Variants in HRC observed in about 807,000 individuals in gnomAD.
The protein encoded by HRC is sarcoplasmic reticulum histidine-rich calcium-binding protein.
In HRC, 41 loss-of-function variants were observed where a neutral mutation model predicts 61.4. That is an observed-to-expected ratio of 0.67 (90% CI 0.52 to 0.87). HRC has a LOEUF of 0.87. HRC is among the 40% of genes least tolerant of loss of function. The pLI, the probability that HRC is intolerant of heterozygous loss-of-function variation, is 0.00. For synonymous variants in HRC, 308 were observed against 326.6 expected (o/e 0.94, Z 0.62); for missense variants, 839 against 885.8 (o/e 0.95, Z 0.67).
rs76146490 is a variant in HRC at position 49,153,335 on chromosome 19, C to T, written c.1832-4G>A. 5,748 of 1,613,148 alleles carry T rather than the reference C, an allele frequency of 3.6e-3. 156 individuals are homozygous for T. The African/African-American group carries it at 0.067, about 19-fold the overall frequency. On this transcript the variant is annotated splice_region_variant and splice_polypyrimidine_tract_variant and intron_variant, in intron 1 of 5. Coordinates refer to ENST00000252825, the MANE Select transcript of HRC (RefSeq NM_002152.3). The surrounding 1 kb of genome is among the most constrained non-coding windows in gnomAD (Gnocchi z 4.8). ...TACTCCTGAGCATCCTGTGGACCTG[C>T]GGGGACAGGAGGGCAGCAGTGACCC...
At position 49,154,791 on chromosome 19, in the gene HRC, C is replaced by T. The variant is rs368314141; in HGVS notation, c.447G>A (p.Arg149=). 41 of 1,613,740 alleles carry T rather than the reference C, an allele frequency of 2.5e-5. No homozygotes were observed. Among genetic ancestry groups the T allele is most frequent in the African/African-American group, 1.1e-4 (8 of 74,856 alleles). The change falls in exon 1 of 6, where the codon AGG becomes AGA. Residue 149 remains arginine, a synonymous_variant. Coordinates refer to ENST00000252825, the MANE Select transcript of HRC (RefSeq NM_002152.3). The part of the protein sequence containing the change: ...SEDTEDSAEH[R]HHLPSHRSHS... ...GGCTCCTGTGGCTGGGGAGGTGGTGCCTGTGCTCAGCTGAGTCTTCCGTGT... is the reference window on the plus strand; with the variant it reads ...GGCTCCTGTGGCTGGGGAGGTGGTGTCTGTGCTCAGCTGAGTCTTCCGTGT...
intron 5 of HRC, 42 bp from the exon 6 acceptor site, chr19:49,151,374 A>G: frequency 6.4e-7 from 1 of 1,556,444 alleles, no homozygotes; most frequent in South Asian, 1.2e-5. Flanking sequence ...TGGTGTTCAA[A>G]GCCCACCCCA....
At position 49,154,947 on chromosome 19, in the gene HRC, C is replaced by G. The variant is rs74666147; in HGVS notation, c.291G>C (p.Lys97Asn). The G allele has an allele frequency of 2.5e-6, 4 of 1,614,180 alleles. No homozygotes were observed. In the Admixed American group the frequency reaches 6.7e-5, roughly 27 times the overall value. Reference sequence around the variant, plus strand: ...GGCCTGGGAGTAGGTGCCCATATTCCTTGGAGACATCTTCATCCTCCTTTT... The same window carrying G: ...GGCCTGGGAGTAGGTGCCCATATTCGTTGGAGACATCTTCATCCTCCTTTT... ...DREKEDEDVS[K>N]EYGHLLPGHR... The change falls in exon 1 of 6, where the codon AAG becomes AAC. Residue 97 changes from lysine (K) to asparagine (N), a missense_variant. Lys to Asn is a moderately conservative substitution (Grantham distance 94). Coordinates refer to ENST00000252825, the MANE Select transcript of HRC (RefSeq NM_002152.3).
Position 49,152,366 on chromosome 19 carries a change from A to G in HRC, c.1915T>C (p.Cys639Arg). Residue 639 changes from cysteine to arginine, a missense_variant, in exon 3 of 6, where the codon TGT (cysteine) becomes CGT (arginine). Cys to Arg is a radical substitution (Grantham distance 180). Transcript: ENST00000252825. ...YCSFCNRCTE[C>R]ESCHCDEENM... ...TCCTCATCACAGTGACAGCTCTCAC[A>G]TTCAGTGCATCGCTGGGGACCGGGG... 1 of 1,613,636 alleles carries G rather than the reference A, an allele frequency of 6.2e-7. No homozygotes were observed. The highest frequency in any genetic ancestry group is 8.5e-7 in the Non-Finnish European group (1 of 1,179,892).
chr19:49,153,373 T>C lies in HRC; in HGVS notation c.1831+34A>G. The C allele has an allele frequency of 6.2e-7, 1 of 1,612,230 alleles. No homozygotes were observed. Among genetic ancestry groups the C allele is most frequent in the Non-Finnish European group, 8.5e-7 (1 of 1,178,336 alleles). ...GCAGCAGTGACCCAGGCTGACTCGGTTCCTTCCCACCCACACCAGCCCAGG... is the reference window on the plus strand; with the variant it reads ...GCAGCAGTGACCCAGGCTGACTCGGCTCCTTCCCACCCACACCAGCCCAGG... On this transcript the variant is annotated intron_variant, in intron 1 of 5. Transcript: ENST00000252825. The surrounding 1 kb of genome is among the most constrained non-coding windows in gnomAD (Gnocchi z 4.8).
At chr19:49,152,471 C>T in intron 2 of HRC, 93 bp from the exon 3 acceptor site, 3 of 953,096 alleles carry the variant, frequency 3.1e-6, no homozygotes, top group Non-Finnish European at 4.8e-6. Flanking sequence ...GACGCTTCCC[C>T]AGACTCTACC....
Position 49,153,615 on chromosome 19 carries a change from C to T in HRC, c.1623G>A (p.Glu541=). ...CCTCGTCTTCTTCCTCCTCCTCCTC[C>T]TCCTTGTCTTCCTCTTCTTCCTCCT... ...NQEEEEEEDK[E]EEEEEEDEER... is the part of the protein sequence containing the mutation. The change falls in exon 1 of 6, where the codon GAG becomes GAA. Residue 541 remains glutamate, a synonymous_variant. Coordinates refer to ENST00000252825, the MANE Select transcript of HRC (RefSeq NM_002152.3). This position sits in a 1 kb window ranked among gnomAD's most constrained non-coding sequence, Gnocchi z 4.8. 6.4e-7 allele frequency: 1 copy of T among 1,550,850 alleles called. No individual in the cohort carries two copies. Among genetic ancestry groups the T allele is most frequent in the Non-Finnish European group, 8.9e-7 (1 of 1,127,084 alleles).
rs764056901 is a variant in HRC at position 49,151,381 on chromosome 19, C to T, written c.2064-49G>A. 5 of 1,560,078 alleles carry T rather than the reference C, an allele frequency of 3.2e-6. No individual in the cohort carries two copies. The East Asian group carries it at 1.2e-4, about 36-fold the overall frequency. Reference sequence around the variant, plus strand: ...TAGACAGCTGGTGTTCAAAGCCCACCCCAGGACGCTTAGAGATCATTAACC... The same window carrying T: ...TAGACAGCTGGTGTTCAAAGCCCACTCCAGGACGCTTAGAGATCATTAACC... On this transcript the variant is annotated intron_variant, in intron 5 of 5. Coordinates refer to ENST00000252825, the MANE Select transcript of HRC (RefSeq NM_002152.3).
intron 2 of HRC, among the ~76,000 whole-genome samples, chr19:49,152,635 C>A (rs992217754): frequency 6.6e-6 from 1 of 151,340 alleles, no homozygotes; most frequent in African/African-American, 2.4e-5. Context: ...AGTGGCGCAA[C>A]CTCAGCTCAC....
At position 49,151,232 on chromosome 19, in the gene HRC, T is replaced by C; in HGVS notation, c.*64A>G. On this transcript the variant is annotated 3_prime_UTR_variant, in exon 6 of 6. Coordinates refer to ENST00000252825, the MANE Select transcript of HRC (RefSeq NM_002152.3). ...GCACGTTTATTCGGAGAAATAAATA[T>C]AGCTCGTGGAAAGGGGTTGGAAGGC... 4 of 1,339,520 alleles carry C rather than the reference T, an allele frequency of 3.0e-6. No homozygotes were observed. The highest frequency in any genetic ancestry group is 4.1e-6 in the Non-Finnish European group (4 of 977,784). 83.0% of individuals were successfully genotyped at this position (1,339,520 alleles called of 1,614,324 possible).
Position 49,153,595 on chromosome 19 carries a change from TC to T in HRC, c.1642del (p.Asp548ThrfsTer15), listed in dbSNP as rs1353539551. ...EDKEEEEEEE[D>X]EERREERAEV... ...AGCCCTCTCTTCCCTCCTCTCCTCGTCTTCTTCCTCCTCCTCCTCCTCCTTG... is the reference window on the plus strand; with the variant it reads ...AGCCCTCTCTTCCCTCCTCTCCTCGTTTCTTCCTCCTCCTCCTCCTCCTTG... On this transcript the variant is annotated frameshift_variant, in exon 1 of 6. Coordinates refer to ENST00000252825, the MANE Select transcript of HRC (RefSeq NM_002152.3). LOFTEE classifies it high-confidence loss of function. This position sits in a 1 kb window ranked among gnomAD's most constrained non-coding sequence, Gnocchi z 4.8. 2.6e-6 allele frequency: 4 copies of T among 1,534,212 alleles called. No individual in the cohort carries two copies. Among genetic ancestry groups the T allele is most frequent in the Non-Finnish European group, 3.6e-6 (4 of 1,116,380 alleles).
chr19:49,155,247 C>G lies in HRC; in HGVS notation c.-10G>C, dbSNP rs1472051579. 1.9e-6 allele frequency: 3 copies of G among 1,584,060 alleles called. No individual in the cohort carries two copies. The highest frequency in any genetic ancestry group is 2.6e-6 in the Non-Finnish European group (3 of 1,169,448). On this transcript the variant is annotated 5_prime_UTR_variant, in exon 1 of 6. Coordinates refer to ENST00000252825, the MANE Select transcript of HRC (RefSeq NM_002152.3). This position sits in a 1 kb window ranked among gnomAD's most constrained non-coding sequence, Gnocchi z 4.7. Reference sequence around the variant, plus strand: ...GCCTATGGTGGCCCATGGGGACGGACAGGCAGCACTGGCTCCAGCTGCCTC... The same window carrying G: ...GCCTATGGTGGCCCATGGGGACGGAGAGGCAGCACTGGCTCCAGCTGCCTC...
chr19:49,154,374 G>C lies in HRC; in HGVS notation c.864C>G (p.His288Gln), dbSNP rs147944416. The C allele has an allele frequency of 4.3e-6, 7 of 1,612,148 alleles. No individual in the cohort carries two copies. In the African/African-American group the frequency reaches 9.4e-5, roughly 22 times the overall value. ...GCCTGTGGCTGGGGTCGCGATGATG[G>C]TGTCCATCTGAGACATCTTCATCCT... ...IEEDEDVSDG[H>Q]HHRDPSHRHR... Residue 288 changes from histidine (H) to glutamine (Q), a missense_variant, in exon 1 of 6, where the codon CAC (histidine) becomes CAG (glutamine). Coordinates refer to ENST00000252825, the MANE Select transcript of HRC (RefSeq NM_002152.3).
At position 49,152,042 on chromosome 19, in the gene HRC, T is replaced by C. The variant is rs200112141; in HGVS notation, c.1988A>G (p.Tyr663Cys). 6.2e-7 allele frequency: 1 copy of C among 1,614,118 alleles called. No individual in the cohort carries two copies. Among genetic ancestry groups the C allele is most frequent in the South Asian group, 1.1e-5 (1 of 91,084 alleles). The change falls in exon 4 of 6, where the codon TAT (tyrosine) becomes TGT (cysteine). Residue 663 changes from tyrosine to cysteine, a missense_variant. Physicochemically the swap from Tyr to Cys is radical, Grantham distance 194 (BLOSUM62 -2). Transcript: ENST00000252825. ...CGTTTCGCAGACCAGCGGGCAGAGA[T>C]AGCAGAACTGACAGTGCTGGAGGCG... ...CDQCQHCQFC[Y>C]LCPLVCETVC...
intron 4 of HRC, 147 bp from the exon 5 acceptor site, chr19:49,151,700 T>G (rs2041361165): frequency 1.3e-6 from 1 of 763,310 alleles, no homozygotes; most frequent in Non-Finnish European, 2.1e-6. Context: ...CCGGACCCCT[T>G]TTTCGTTCTG....
In HRC at chr19:49,152,009, G is replaced by T. The variant is rs750740175; in HGVS notation, c.2021C>A (p.Ala674Asp). 6.2e-7 allele frequency: 1 copy of T among 1,614,184 alleles called. No homozygotes were observed. Among genetic ancestry groups the T allele is most frequent in the African/African-American group, 1.3e-5 (1 of 75,054 alleles). Reference protein sequence around the residue: ...LCPLVCETVCAPGSYVDYFSS... With the variant: ...LCPLVCETVCDPGSYVDYFSS... The stretch of plus-strand genomic sequence containing the variant: ...AGGGCCCCGCCCATGCTCACCTGGA[G>T]CGCAGACCGTTTCGCAGACCAGCGG... The change falls in exon 4 of 6, where the codon GCT becomes GAT. Residue 674 changes from alanine to aspartate, a missense_variant. By Grantham distance (126) the Ala-to-Asp change is moderately radical (BLOSUM62 -2). Coordinates refer to ENST00000252825, the MANE Select transcript of HRC (RefSeq NM_002152.3).
In HRC at chr19:49,153,870, C is replaced by T. The variant is rs758034821; in HGVS notation, c.1368G>A (p.Gly456=). The part of the protein sequence containing the change: ...QDEETGHGQR[G]SIKEMSHHPP... ...GGTGATGGCTCATCTCTTTGATGGA[C>T]CCTCTTTGACCATGGCCAGTTTCTT... The change falls in exon 1 of 6, where the codon GGG becomes GGA. Residue 456 remains glycine (G), a synonymous_variant. Transcript: ENST00000252825. The surrounding 1 kb of genome is among the most constrained non-coding windows in gnomAD (Gnocchi z 4.8). 1.9e-6 allele frequency: 3 copies of T among 1,614,124 alleles called. No homozygotes were observed. Among genetic ancestry groups the T allele is most frequent in the South Asian group, 2.2e-5 (2 of 91,070 alleles).
chr19:49,151,583 G>A (rs756201424), intron 4 of HRC, 30 bp from the exon 5 acceptor site: 27 of 1,611,744 alleles, frequency 1.7e-5, no homozygotes, highest in Non-Finnish European at 2.3e-5. Flanking sequence ...AGAGGCTTGA[G>A]GGGTACTGCA....
In HRC at chr19:49,154,444, TCAATGGAGA is replaced by T. The variant is rs1246000918; in HGVS notation, c.785_793del (p.Val262_Ile264del). ...GTGCCTGTGAGCCTGGTGTCTATAT[TCAATGGAGA>T]CATCATCATCATCATCATCATCATC... On this transcript the variant is annotated inframe_deletion, in exon 1 of 6. Transcript: ENST00000252825. 1.3e-6 allele frequency: 2 copies of T among 1,587,316 alleles called. No individual in the cohort carries two copies. The highest frequency in any genetic ancestry group is 1.7e-6 in the Non-Finnish European group (2 of 1,161,466).
Sources: gnomAD v4.1 joint callset for allele counts (sites outside exome capture counted in the v4.1 genomes callset) on GRCh38, gnomAD v4.1.1 for gene constraint, Gnocchi (gnomAD v3.1) non-coding constraint, MANE v1.5 for transcripts, NCBI Gene and HGNC (gene_info 2026-07-23, HGNC 2026-07-21) for gene names.